Variants in FAF1 observed in about 807,000 individuals in gnomAD.
The protein encoded by FAF1 is Fas associated factor 1.
In FAF1, 25 loss-of-function variants were observed where a neutral mutation model predicts 92.5. That is an observed-to-expected ratio of 0.27 (90% CI 0.20 to 0.38). The LOEUF (loss-of-function observed/expected upper bound fraction) is 0.38. FAF1 is among the 10% of genes least tolerant of loss of function. The pLI is 1.00. For synonymous variants in FAF1, 234 were observed against 273.2 expected (o/e 0.86, Z 1.42); for missense variants, 636 against 793.3 (o/e 0.80, Z 2.38).
At chr1:50,815,008 C>T (rs1353871463) in intron 2 of FAF1, among the ~76,000 whole-genome samples, 1 of 152,146 alleles carries the variant, frequency 6.6e-6, no homozygotes, top group Non-Finnish European at 1.5e-5. Context: ...TCATATGGTG[C>T]AGCAATTCCA....
At chr1:50,712,031 T>C (rs1472076264) in intron 6 of FAF1, among the ~76,000 whole-genome samples, 1 of 152,228 alleles carries the variant, frequency 6.6e-6, no homozygotes, top group Non-Finnish European at 1.5e-5. Context: ...ACTTAATTAC[T>C]ATCATACAAA....
chr1:50,933,258 CT>C (rs1292009702), intron 1 of FAF1, among the ~76,000 whole-genome samples: 4 of 152,176 alleles, frequency 2.6e-5, no homozygotes, highest in African/African-American at 9.6e-5. Flanking sequence ...CTTTTATGCT[CT>C]TTTGTCCTTT....
In FAF1 at chr1:50,735,504, A is replaced by C. The variant is rs11810489; in HGVS notation, c.551+3359T>G. On this transcript the variant is annotated intron_variant, in intron 6 of 18. Transcript: ENST00000396153. Reference sequence around the variant, plus strand: ...ATGGTAATTTTGCTGCTCTTAGTTTATACCATTTCTTCCCCTAGAAAGAAA... The same window carrying C: ...ATGGTAATTTTGCTGCTCTTAGTTTCTACCATTTCTTCCCCTAGAAAGAAA... 7.5e-3 allele frequency among the ~76,000 whole-genome samples: 1,148 copies of C among 152,306 alleles called. 24 individuals are homozygous for C. The highest frequency in any genetic ancestry group is 0.026 in the African/African-American group (1,095 of 41,572).
At chr1:50,453,544 G>GCT (rs1186640991) in intron 18 of FAF1, among the ~76,000 whole-genome samples, 1 of 152,132 alleles carries the variant, frequency 6.6e-6, no homozygotes, top group Non-Finnish European at 1.5e-5. Context: ...TGTTACCAAG[G>GCT]CTCTCTCTGA....
chr1:50,751,182 G>C (rs1044023838), intron 4 of FAF1, among the ~76,000 whole-genome samples: 1 of 150,612 alleles, frequency 6.6e-6, no homozygotes, highest in African/African-American at 2.4e-5. Flanking sequence ...TTAGAGCAAA[G>C]TAGGAATATA....
chr1:50,637,545 A>G (rs903886378), intron 8 of FAF1, among the ~76,000 whole-genome samples: 2 of 151,906 alleles, frequency 1.3e-5, no homozygotes, highest in East Asian at 2.0e-4. Context: ...TAATTTGCCA[A>G]TTTCTATGAA....
intron 2 of FAF1, among the ~76,000 whole-genome samples, chr1:50,802,512 C>A (rs1158958385): frequency 6.6e-6 from 1 of 152,120 alleles, no homozygotes; most frequent in African/African-American, 2.4e-5. Flanking sequence ...GGAGAGGTTT[C>A]CTTATATAAA....
chr1:50,539,676 G>A lies in FAF1; in HGVS notation c.1321C>T (p.Arg441Trp), dbSNP rs373869477. 36 of 1,611,552 alleles carry A rather than the reference G, an allele frequency of 2.2e-5. No homozygotes were observed. The highest frequency in any genetic ancestry group is 2.1e-4 in the African/African-American group (16 of 74,866). The change falls in exon 14 of 19, where the codon CGG becomes TGG. Residue 441 changes from arginine (R) to tryptophan (W), a missense_variant. This residue lies in a region of FAF1 where 319 missense variants were observed against 451.0 expected (regional missense o/e 0.71). Coordinates refer to ENST00000396153, the MANE Select transcript of FAF1 (RefSeq NM_007051.3). ...HFGSVVAQTI[R>W]TQKTDQFPLF... ...GGAAACTGATCCGTTTTTTGAGTCC[G>A]AATGGTTTGTGCCACAACACTGCCA...
chr1:50,651,202 T>C (rs1056960550), intron 8 of FAF1, among the ~76,000 whole-genome samples: 1 of 152,222 alleles, frequency 6.6e-6, no homozygotes, highest in Non-Finnish European at 1.5e-5. Flanking sequence ...AAAACATCTC[T>C]TGTGTTACTG....
At chr1:50,714,755 A>G (rs1458796452) in intron 6 of FAF1, among the ~76,000 whole-genome samples, 6 of 152,046 alleles carry the variant, frequency 3.9e-5, no homozygotes, top group African/African-American at 1.2e-4. Context: ...CCTTCTCCTC[A>G]CTGGTTTTTC....
chr1:50,498,239 C>T (rs1268372658), intron 15 of FAF1, among the ~76,000 whole-genome samples: 1 of 151,760 alleles, frequency 6.6e-6, no homozygotes, highest in East Asian at 1.9e-4. Context: ...CCTCATCATA[C>T]CTCATATTAA....
At chr1:50,752,348 G>C (rs888629094) in intron 4 of FAF1, among the ~76,000 whole-genome samples, 8 of 152,130 alleles carry the variant, frequency 5.3e-5, no homozygotes, top group African/African-American at 1.9e-4. Flanking sequence ...TTACTTCTGT[G>C]AATGTGGTAA....
chr1:50,831,805 C>CAAAAAA (rs1157102526), intron 2 of FAF1, among the ~76,000 whole-genome samples: 3 of 81,720 alleles, frequency 3.7e-5, no homozygotes, highest in Admixed American at 1.4e-4. Context: ...TTATCAGAGA[C>CAAAAAA]AAAAAAAAAA....
intron 7 of FAF1, among the ~76,000 whole-genome samples, chr1:50,672,572 G>A (rs894158842): frequency 1.3e-5 from 2 of 152,002 alleles, no homozygotes; most frequent in African/African-American, 2.4e-5. Flanking sequence ...CGTGAGCCAC[G>A]GCGCCTGGCC....
intron 15 of FAF1, among the ~76,000 whole-genome samples, chr1:50,507,379 G>A (rs968545349): frequency 1.3e-5 from 2 of 152,230 alleles, no homozygotes; most frequent in African/African-American, 4.8e-5. Flanking sequence ...GCTGGTGTGA[G>A]AACAGAGGAA....
intron 2 of FAF1, among the ~76,000 whole-genome samples, chr1:50,823,419 A>G (rs1644064273): frequency 6.6e-6 from 1 of 152,222 alleles, no homozygotes; most frequent in Admixed American, 6.5e-5. Context: ...ACATAAGCAC[A>G]TAAAATATCT....
At chr1:50,498,760 G>C (rs1226545905) in intron 15 of FAF1, among the ~76,000 whole-genome samples, 4 of 151,628 alleles carry the variant, frequency 2.6e-5, no homozygotes, top group Non-Finnish European at 4.4e-5. Flanking sequence ...TGAGGCAGAA[G>C]AATTGCTTGA....
At chr1:50,744,484 A>G (rs1384648130) in intron 5 of FAF1, among the ~76,000 whole-genome samples, 200 bp downstream of exon 5, 1 of 152,156 alleles carries the variant, frequency 6.6e-6, no homozygotes, top group Non-Finnish European at 1.5e-5. Flanking sequence ...TTACAAATCT[A>G]CTCATTTACA....
rs953561621 is a variant in FAF1 at position 50,678,549 on chromosome 1, A to C, written c.658-23021T>G. Among the ~76,000 whole-genome samples, 15 of 152,030 alleles carry C rather than the reference A, an allele frequency of 9.9e-5. 1 individual carries two copies. The South Asian group carries it at 3.1e-3, about 32-fold the overall frequency. On this transcript the variant is annotated intron_variant, in intron 7 of 18. Coordinates refer to ENST00000396153, the MANE Select transcript of FAF1 (RefSeq NM_007051.3). ...TATAATCCCAGCACTTTGGGAGGCC[A>C]AGGTGGTGGATCACGAGGTCAGGAG...
Sources: gnomAD v4.1 joint callset for allele counts (sites outside exome capture counted in the v4.1 genomes callset) on GRCh38, gnomAD v4.1.1 for gene constraint, gnomAD v4.1.1 regional missense constraint, MANE v1.5 for transcripts, NCBI Gene and HGNC (gene_info 2026-07-23, HGNC 2026-07-21) for gene names.